Variants in OTUD7A observed in about 807,000 individuals in gnomAD.
The protein encoded by OTUD7A is OTU domain-containing protein 7A.
In OTUD7A, 12 loss-of-function variants were observed where a neutral mutation model predicts 65.7. The ratio of observed to expected loss-of-function variants is 0.18; its 90% CI spans 0.12 to 0.30. The LOEUF is 0.30. Ranked by LOEUF, OTUD7A falls within the 10% of genes least tolerant of loss-of-function variation. The pLI is 1.00. For synonymous variants in OTUD7A, 641 were observed against 586.3 expected (o/e 1.09, Z -1.35); for missense variants, 1,148 against 1,304.8 (o/e 0.88, Z 1.85).
At chr15:31,633,432 G>A (rs1467389337) in intron 3 of OTUD7A, among the ~76,000 whole-genome samples, 1 of 152,100 alleles carries the variant, frequency 6.6e-6, no homozygotes, top group African/African-American at 2.4e-5. Context: ...ATAATGTTAT[G>A]CTTTCTTGGT....
In OTUD7A at chr15:31,571,828, C is replaced by T. The variant is rs117997923; in HGVS notation, c.152-1631G>A. On this transcript the variant is annotated intron_variant, in intron 3 of 12. Coordinates refer to ENST00000307050, the MANE Select transcript of OTUD7A (RefSeq NM_001382637.1). ...TTTCTCATTCAACTGTTACTAATGC[C>T]ATCTCCCAAACACACTGAGGCCATA... Among the ~76,000 whole-genome samples the T allele has an allele frequency of 7.6e-3, 1,151 of 152,214 alleles. 9 individuals are homozygous for T. The highest frequency in any genetic ancestry group is 0.012 in the Non-Finnish European group (787 of 68,008).
At position 31,601,199 on chromosome 15, in the gene OTUD7A, C is replaced by T. The variant is rs1203264745; in HGVS notation, c.152-31002G>A. 3.3e-5 allele frequency among the ~76,000 whole-genome samples: 5 copies of T among 152,176 alleles called. No homozygotes were observed. In the East Asian group the frequency reaches 5.8e-4, roughly 18 times the overall value. ...ATCGCACTTTTTCTAAAACTGACCA[C>T]ATAATTGGAAGTAAAACACTCCTCA... On this transcript the variant is annotated intron_variant, in intron 3 of 12. Coordinates refer to ENST00000307050, the MANE Select transcript of OTUD7A (RefSeq NM_001382637.1).
At chr15:31,629,524 T>C (rs1325050397) in intron 3 of OTUD7A, among the ~76,000 whole-genome samples, 8 of 152,218 alleles carry the variant, frequency 5.3e-5, no homozygotes, top group African/African-American at 1.9e-4. Context: ...TTTGCATCAA[T>C]GTTCATCAAG....
rs1437391016 is a variant in OTUD7A, at chr15:31,716,336, A to G, written c.-99-59259T>C. On this transcript the variant is annotated intron_variant, in intron 1 of 12. Transcript: ENST00000307050. Reference sequence around the variant, plus strand: ...TGATTAATATATTACATATGGATTAATTACATATTATATATTATTACATAT... The same window carrying G: ...TGATTAATATATTACATATGGATTAGTTACATATTATATATTATTACATAT... Among the ~76,000 whole-genome samples the G allele has an allele frequency of 1.5e-4, 15 of 102,748 alleles. 5 individuals are homozygous for G. Among genetic ancestry groups the G allele is most frequent in the Admixed American group, 2.6e-4 (2 of 7,660 alleles). 67.4% of individuals were successfully genotyped at this position (102,748 alleles called of 152,430 possible).
At chr15:31,866,234 T>G (rs904845693) in intron 1 of OTUD7A, among the ~76,000 whole-genome samples, 1 of 152,232 alleles carries the variant, frequency 6.6e-6, no homozygotes, top group Admixed American at 6.5e-5. Context: ...AGACTAACTC[T>G]TTCCCTTTGC....
chr15:31,529,101 G>A (rs1400699797), intron 6 of OTUD7A, among the ~76,000 whole-genome samples: 1 of 152,188 alleles, frequency 6.6e-6, no homozygotes, highest in Non-Finnish European at 1.5e-5. Context: ...CCCCGCTGTT[G>A]TGCTGATGGG....
At chr15:31,853,840 C>T (rs1309579128) in intron 1 of OTUD7A, among the ~76,000 whole-genome samples, 1 of 152,196 alleles carries the variant, frequency 6.6e-6, no homozygotes, top group African/African-American at 2.4e-5. Flanking sequence ...TCAACAAAGA[C>T]CTGACCCCAT....
chr15:31,547,901 CTGTT>C (rs898175217), intron 5 of OTUD7A, among the ~76,000 whole-genome samples: 4 of 152,186 alleles, frequency 2.6e-5, no homozygotes, highest in African/African-American at 9.7e-5. Context: ...TAAACTAACT[CTGTT>C]TGCCCTAAAA....
At chr15:31,514,297 T>C (rs1317370781) in intron 8 of OTUD7A, among the ~76,000 whole-genome samples, 1 of 152,118 alleles carries the variant, frequency 6.6e-6, no homozygotes, top group Non-Finnish European at 1.5e-5. Context: ...GTCATCCTTC[T>C]GTCTCAGCCT....
intron 3 of OTUD7A, among the ~76,000 whole-genome samples, chr15:31,644,985 C>G (rs545599579): frequency 3.3e-4 from 50 of 152,174 alleles, no homozygotes; most frequent in Non-Finnish European, 5.9e-4. Context: ...AGGCACTGAT[C>G]GGCACTTGGC....
Position 31,481,406 on chromosome 15 carries a change from G to A in OTUD7A, c.*1888C>T, listed in dbSNP as rs550500570. ...GTGACACGAAGAATCAGTCCAGAAA[G>A]CTGCCACAGACCCTCTCCATGAGAT... is the stretch of plus-strand genomic sequence containing the variant. On this transcript the variant is annotated 3_prime_UTR_variant, in exon 13 of 13. Coordinates refer to ENST00000307050, the MANE Select transcript of OTUD7A (RefSeq NM_001382637.1). 1 of 152,338 alleles carries A rather than the reference G, an allele frequency of 6.6e-6. No homozygotes were observed. Among genetic ancestry groups the A allele is most frequent in the African/African-American group, 2.4e-5 (1 of 41,584 alleles). The allele number at this position is 152,338 out of a possible 1,614,324, so 9.4% of individuals were successfully genotyped here. A position where few individuals can be genotyped will look rare whatever the true frequency, so the allele number is the denominator to read the frequency against.
At chr15:31,700,373 A>G (rs968484022) in intron 1 of OTUD7A, among the ~76,000 whole-genome samples, 26 of 152,078 alleles carry the variant, frequency 1.7e-4, no homozygotes, top group African/African-American at 5.8e-4. Context: ...TGGGATGTGC[A>G]CTTATACGTC....
rs778333804 is a variant in OTUD7A at position 31,559,123 on chromosome 15, G to A, written c.396C>T (p.His132=). The A allele has an allele frequency of 4.3e-5, 69 of 1,614,100 alleles. No individual in the cohort carries two copies. Among genetic ancestry groups the A allele is most frequent in the Non-Finnish European group, 5.4e-5 (64 of 1,180,028 alleles). Residue 132 remains histidine (H), a synonymous_variant, in exon 5 of 13, where the codon CAC becomes CAT. Transcript: ENST00000307050. Reference sequence around the variant, plus strand: ...GCTCGTTGTTGCATTCACTTGCCACGTGGGACCGGGCCAGGGAGACGATGG... The same window carrying A: ...GCTCGTTGTTGCATTCACTTGCCACATGGGACCGGGCCAGGGAGACGATGG... ...SSAIVSLARS[H]VASECNNEQF...
chr15:31,675,618 A>G (rs981829893), intron 1 of OTUD7A, among the ~76,000 whole-genome samples: 5 of 152,348 alleles, frequency 3.3e-5, no homozygotes, highest in African/African-American at 1.2e-4. Flanking sequence ...AAGCATTTCC[A>G]TCAAGGTTTA....
chr15:31,739,094 G>C (rs2141370630), intron 1 of OTUD7A, among the ~76,000 whole-genome samples: 1 of 152,272 alleles, frequency 6.6e-6, no homozygotes, highest in East Asian at 1.9e-4. Context: ...GAAATTTCTG[G>C]ATGTGGGTCT....
At chr15:31,726,272 T>G (rs1362065109) in intron 1 of OTUD7A, among the ~76,000 whole-genome samples, 3 of 152,062 alleles carry the variant, frequency 2.0e-5, no homozygotes, top group Admixed American at 6.6e-5. Context: ...CCTGGATAGT[T>G]CCTACATGAC....
intron 3 of OTUD7A, among the ~76,000 whole-genome samples, chr15:31,603,758 A>C (rs1402515049): frequency 1.3e-5 from 2 of 152,222 alleles, no homozygotes; most frequent in Admixed American, 6.5e-5. Context: ...GAAAAAACAA[A>C]CAACCCCACC....
chr15:31,795,223 A>C (rs1255952515), intron 1 of OTUD7A, among the ~76,000 whole-genome samples: 2 of 152,174 alleles, frequency 1.3e-5, no homozygotes, highest in African/African-American at 4.8e-5. Context: ...TTTATGCAGG[A>C]AATTTCTCTG....
intron 1 of OTUD7A, among the ~76,000 whole-genome samples, chr15:31,739,312 A>C (rs1894275987): frequency 6.6e-6 from 1 of 152,194 alleles, no homozygotes; most frequent in Admixed American, 6.5e-5. Context: ...CAATGCTAAA[A>C]GTATTGGATT....
Sources: allele counts gnomAD v4.1 joint callset (sites outside exome capture counted in the v4.1 genomes callset), GRCh38; gene constraint gnomAD v4.1.1; transcripts MANE v1.5; gene names NCBI Gene and HGNC (gene_info 2026-07-23, HGNC 2026-07-21).